Variants in PNPLA4 observed in about 807,000 individuals in gnomAD.
The protein encoded by PNPLA4 is patatin like domain 4, phospholipase and triacylglycerol lipase.
PNPLA4 carries 15 observed loss-of-function variants against 18.3 expected under a neutral mutation model. That is an observed-to-expected ratio of 0.82 (90% CI 0.55 to 1.26). The LOEUF is 1.26. Among genes scored for constraint, PNPLA4 ranks in the 50% most tolerant of loss-of-function variants. The pLI is 0.00. For synonymous variants in PNPLA4, 88 were observed against 85.6 expected, an observed-to-expected ratio of 1.03 and a Z score of -0.16; for missense variants, 229 against 196.8, an observed-to-expected ratio of 1.16 and a Z score of -0.98.
At chrX:7,927,680 A>G (rs1257989229), upstream of PNPLA4, 1 of 112,734 alleles carries the variant, frequency 8.9e-6, no homozygotes, top group Non-Finnish European at 1.9e-5. Context: ...CCTGCGAGCA[A>G]CTGACCTTTA....
At chrX:7,915,197 T>C (rs1318808633) in intron 4 of PNPLA4, among the ~76,000 whole-genome samples, 2 of 108,904 alleles carry the variant, frequency 1.8e-5, no homozygotes, top group Non-Finnish European at 3.8e-5. Flanking sequence ...CCAGTGAAAT[T>C]CACCTCGCCA....
intron 2 of PNPLA4, among the ~76,000 whole-genome samples, chrX:7,924,931 G>T (rs1168998047): frequency 8.9e-6 from 1 of 112,213 alleles, no homozygotes; most frequent in Non-Finnish European, 1.9e-5. Flanking sequence ...ACACAGTTAT[G>T]GGAAGGAGGT....
At chrX:7,906,145 T>G (rs762940048) in intron 5 of PNPLA4, among the ~76,000 whole-genome samples, 2 of 111,914 alleles carry the variant, frequency 1.8e-5, no homozygotes, top group Non-Finnish European at 3.8e-5. Context: ...CATATCTGCA[T>G]TGCTTTCATG....
chrX:7,918,787 T>C (rs977362025), intron 4 of PNPLA4, among the ~76,000 whole-genome samples: 3 of 111,616 alleles, frequency 2.7e-5, no homozygotes, highest in Admixed American at 9.5e-5. Flanking sequence ...CCGGAACATA[T>C]ATACTTGATC....
chrX:7,915,682 A>G (rs1171565525), intron 4 of PNPLA4, among the ~76,000 whole-genome samples: 1 of 112,040 alleles, frequency 8.9e-6, no homozygotes, highest in African/African-American at 3.2e-5. Flanking sequence ...TACAGAAAAG[A>G]GGTATTTAGA....
chrX:7,903,122 A>G (rs912531709), intron 5 of PNPLA4, among the ~76,000 whole-genome samples: 7 of 111,769 alleles, frequency 6.3e-5, no homozygotes, highest in Non-Finnish European at 1.1e-4. Flanking sequence ...TTTTGCTTCA[A>G]TGTGTAAAAT....
chrX:7,922,468 C>T (rs765458582), intron 2 of PNPLA4, among the ~76,000 whole-genome samples: 1 of 112,688 alleles, frequency 8.9e-6, no homozygotes, highest in Admixed American at 9.4e-5. Flanking sequence ...AGTTTGATTA[C>T]AACCGTGCAA....
At chrX:7,915,853 C>T (rs2240584) in intron 4 of PNPLA4, among the ~76,000 whole-genome samples, 32,815 of 111,000 alleles carry the variant, frequency 0.3, 3,509 homozygotes, top group South Asian at 0.34. Context: ...TCAGTTTTTC[C>T]AAGATAATGA....
Position 7,925,987 on chromosome X carries a change from C to T in PNPLA4, c.133G>A (p.Gly45Arg), listed in dbSNP as rs1438061686. The T allele has an allele frequency of 8.3e-7, 1 of 1,210,464 alleles. No individual in the cohort carries two copies. The highest frequency in any genetic ancestry group is 1.1e-6 in the Non-Finnish European group (1 of 895,174). Residue 45 changes from glycine to arginine, a missense_variant, in exon 2 of 7, where the codon GGA becomes AGA. Physicochemically the swap from Gly to Arg is moderately radical, Grantham distance 125. Transcript: ENST00000381042. ...DVKAFAGASA[G>R]SLVASVLLTA... ...AGCAGAACAGAAGCAACCAACGATC[C>T]CGCAGACGCCCCAGCGAAGGCTTTG...
chrX:7,921,252 C>T (rs1265517536), intron 4 of PNPLA4, among the ~76,000 whole-genome samples: 1 of 110,615 alleles, frequency 9.0e-6, no homozygotes, highest in African/African-American at 3.3e-5. Context: ...CCTAGGCAAA[C>T]GAGCGAGACT....
At chrX:7,920,134 G>A (rs1023307366) in intron 4 of PNPLA4, among the ~76,000 whole-genome samples, 6 of 111,490 alleles carry the variant, frequency 5.4e-5, no homozygotes, top group Non-Finnish European at 1.1e-4. Flanking sequence ...TAAATCAGGA[G>A]GGATGTGGGG....
At chrX:7,913,495 G>A (rs1465580254) in intron 4 of PNPLA4, among the ~76,000 whole-genome samples, 2 of 112,112 alleles carry the variant, frequency 1.8e-5, no homozygotes, top group East Asian at 2.8e-4. Context: ...AGCTTCTGGG[G>A]CCTCAGGTTT....
chrX:7,917,682 T>C (rs1291434041), intron 4 of PNPLA4, among the ~76,000 whole-genome samples: 1 of 112,093 alleles, frequency 8.9e-6, no homozygotes, highest in Non-Finnish European at 1.9e-5. Context: ...AATTACTCCA[T>C]TTCAGAGATG....
intron 2 of PNPLA4, 53 bp downstream of exon 2, chrX:7,925,887 T>C: frequency 9.3e-7 from 1 of 1,077,294 alleles, no homozygotes; most frequent in Non-Finnish European, 1.3e-6. Flanking sequence ...GGTGTTTGCC[T>C]TTGGGTCTTA....
At chrX:7,906,594 A>G (rs1422171607) in intron 5 of PNPLA4, among the ~76,000 whole-genome samples, 5 of 112,595 alleles carry the variant, frequency 4.4e-5, no homozygotes, top group Admixed American at 2.8e-4. Flanking sequence ...TGACTGAAGA[A>G]TAAGAGCGTC....
chrX:7,909,007 C>T lies in PNPLA4; in HGVS notation c.477+3021G>A, dbSNP rs1023720535. Among the ~76,000 whole-genome samples the T allele has an allele frequency of 5.4e-5, 6 of 112,056 alleles. No homozygotes were observed. In the East Asian group the frequency reaches 8.3e-4, roughly 16 times the overall value. On this transcript the variant is annotated intron_variant, in intron 5 of 6. Coordinates refer to ENST00000381042, the MANE Select transcript of PNPLA4 (RefSeq NM_004650.3). ...AAACATTGCTAGTCTTCCTGTCACA[C>T]ACCCACAACATGGCGCTGCGGCTGG...
At chrX:7,904,535 G>A (rs1010737146) in intron 5 of PNPLA4, among the ~76,000 whole-genome samples, 21 of 111,968 alleles carry the variant, frequency 1.9e-4, no homozygotes, top group African/African-American at 4.9e-4. Flanking sequence ...ATGCTCTCAC[G>A]AGCTGTATCA....
At chrX:7,926,434 TC>T (rs1199070750) in intron 1 of PNPLA4, among the ~76,000 whole-genome samples, 1 of 112,431 alleles carries the variant, frequency 8.9e-6, no homozygotes, top group East Asian at 2.8e-4. Flanking sequence ...ACGTATAAAT[TC>T]CAGTTGACAA....
At chrX:7,912,333 T>C (rs1923902968) in intron 4 of PNPLA4, among the ~76,000 whole-genome samples, 1 of 112,521 alleles carries the variant, frequency 8.9e-6, no homozygotes, top group African/African-American at 3.2e-5. Context: ...AGCATTTTAA[T>C]AGTAGACACA....
Sources: gnomAD v4.1 joint callset for allele counts (sites outside exome capture counted in the v4.1 genomes callset) on GRCh38, gnomAD v4.1.1 for gene constraint, MANE v1.5 for transcripts, NCBI Gene and HGNC (gene_info 2026-07-23, HGNC 2026-07-21) for gene names.